Variants in CHRDL1 observed in about 807,000 individuals in gnomAD.
CHRDL1 encodes the protein chordin like 1, also known as chordin-like protein 1.
A neutral mutation model predicts 40.9 loss-of-function variants in CHRDL1; 19 were observed. That is an observed-to-expected ratio of 0.46 (90% CI 0.32 to 0.68). The LOEUF (loss-of-function observed/expected upper bound fraction) is 0.68, where lower values mean the gene tolerates loss of function less well. Ranked by LOEUF, CHRDL1 falls within the 30% of genes least tolerant of loss-of-function variation. The pLI is 0.03. For synonymous variants in CHRDL1, 136 were observed against 123.4 expected (o/e 1.10, Z -0.68); for missense variants, 329 against 352.1 (o/e 0.93, Z 0.53).
At chrX:110,743,911 G>GT (rs1340877324) in intron 4 of CHRDL1, among the ~76,000 whole-genome samples, 2 of 111,004 alleles carry the variant, frequency 1.8e-5, no homozygotes, top group Non-Finnish European at 3.8e-5. Context: ...AGACTTGGAG[G>GT]TTTTCAGGGT....
At chrX:110,751,373 C>G (rs532587062) in intron 4 of CHRDL1, among the ~76,000 whole-genome samples, 12 of 111,714 alleles carry the variant, frequency 1.1e-4, no homozygotes, top group Admixed American at 3.8e-4. Context: ...AACAAAGAAC[C>G]CTAATTCTGC....
intron 8 of CHRDL1, among the ~76,000 whole-genome samples, chrX:110,689,083 T>TAAATATATATAA (rs2070095828): frequency 1.1e-4 from 9 of 81,549 alleles, no homozygotes; most frequent in African/African-American, 4.1e-4. Flanking sequence ...TATATATATA[T>TAAATATATATAA]ATATATATAT....
At chrX:110,709,676 G>A (rs940015969) in intron 6 of CHRDL1, among the ~76,000 whole-genome samples, 1 of 112,016 alleles carries the variant, frequency 8.9e-6, no homozygotes, top group Non-Finnish European at 1.9e-5. Context: ...ATTGGTAGGA[G>A]TACAATTTAC....
Position 110,792,148 on chromosome X carries a change from A to G in CHRDL1, c.34T>C (p.Tyr12His), listed in dbSNP as rs2090112780. 2 of 1,200,890 alleles carry G rather than the reference A, an allele frequency of 1.7e-6. No homozygotes were observed. The highest frequency in any genetic ancestry group is 2.3e-6 in the Non-Finnish European group (2 of 887,112). ...AGAAAGAACAACAACGAAAAGATGTATTTCATGCCTCCCATTTTCCACTTT... is the reference window on the plus strand; with the variant it reads ...AGAAAGAACAACAACGAAAAGATGTGTTTCATGCCTCCCATTTTCCACTTT... ...RKKWKMGGMK[Y>H]IFSLLFFLLL... The change falls in exon 2 of 12, where the codon TAC becomes CAC. Residue 12 changes from tyrosine (Y) to histidine (H), a missense_variant. Coordinates refer to ENST00000372042, the MANE Select transcript of CHRDL1 (RefSeq NM_001143981.2).
intron 4 of CHRDL1, among the ~76,000 whole-genome samples, chrX:110,731,774 G>C (rs1009755105): frequency 9.0e-6 from 1 of 111,465 alleles, no homozygotes; most frequent in Admixed American, 9.5e-5. Context: ...TCCATAGAGA[G>C]AGAAAGAAGA....
intron 4 of CHRDL1, among the ~76,000 whole-genome samples, chrX:110,728,336 C>T (rs767771152): frequency 1.8e-5 from 2 of 111,131 alleles, no homozygotes; most frequent in Admixed American, 9.6e-5. Context: ...CATTCATATT[C>T]TTGAATGATA....
intron 4 of CHRDL1, among the ~76,000 whole-genome samples, chrX:110,749,431 T>A (rs1433970354): frequency 8.9e-6 from 1 of 111,944 alleles, no homozygotes; most frequent in Non-Finnish European, 1.9e-5. Context: ...AGAGATACAG[T>A]ACATATATTT....
At chrX:110,731,844 G>C (rs2071167301) in intron 4 of CHRDL1, among the ~76,000 whole-genome samples, 1 of 111,005 alleles carries the variant, frequency 9.0e-6, no homozygotes, top group African/African-American at 3.3e-5. Flanking sequence ...GTAGGTATGG[G>C]ATTCTTTTAG....
chrX:110,720,121 G>A (rs2070922080), intron 5 of CHRDL1, among the ~76,000 whole-genome samples, 193 bp from the exon 6 acceptor site: 1 of 110,723 alleles, frequency 9.0e-6, no homozygotes, highest in Admixed American at 9.6e-5. Context: ...CCATGCCAGA[G>A]ACTAAGCCAC....
intron 4 of CHRDL1, among the ~76,000 whole-genome samples, chrX:110,737,037 G>T (rs1474808966): frequency 2.7e-5 from 3 of 112,083 alleles, no homozygotes; most frequent in Non-Finnish European, 5.6e-5. Flanking sequence ...CTCCAGCTAG[G>T]ATAAAATAGC....
In CHRDL1 at chrX:110,700,762, T is replaced by C. The variant is rs111826629; in HGVS notation, c.542-41A>G. The stretch of plus-strand genomic sequence containing the variant: ...AAATAAGGAGAAAATCATACATTCA[T>C]AAAAGGGAAAGTTATCACCCTTGTG... On this transcript the variant is annotated intron_variant, in intron 6 of 11. Transcript: ENST00000372042. 1,496 of 909,782 alleles carry C rather than the reference T, an allele frequency of 1.6e-3. 8 individuals are homozygous for C. The African/African-American group carries it at 0.025, about 15-fold the overall frequency. The allele number at this position is 909,782 out of a possible 1,213,427, so 75.0% of individuals were successfully genotyped here.
intron 3 of CHRDL1, among the ~76,000 whole-genome samples, chrX:110,761,594 G>A (rs140773876): frequency 1.3e-3 from 148 of 112,098 alleles, no homozygotes; most frequent in African/African-American, 4.7e-3. Flanking sequence ...CATGTCTGGA[G>A]ACATTTTTGG....
At chrX:110,710,182 T>G (rs185965868) in intron 6 of CHRDL1, among the ~76,000 whole-genome samples, 1 of 112,075 alleles carries the variant, frequency 8.9e-6, no homozygotes, top group Non-Finnish European at 1.9e-5. Context: ...ATCTTTTACC[T>G]CTGTTTGCAC....
At chrX:110,714,363 C>T (rs764189487) in intron 6 of CHRDL1, among the ~76,000 whole-genome samples, 3 of 111,814 alleles carry the variant, frequency 2.7e-5, no homozygotes, top group African/African-American at 9.7e-5. Flanking sequence ...CAATGACAGA[C>T]TGGATAAAGA....
rs377075471 is a variant in CHRDL1, at chrX:110,729,524, T to G, written c.302-7994A>C. 4.5e-5 allele frequency among the ~76,000 whole-genome samples: 5 copies of G among 112,024 alleles called. No homozygotes were observed. The East Asian group carries it at 1.4e-3, about 31-fold the overall frequency. On this transcript the variant is annotated intron_variant, in intron 4 of 11. Transcript: ENST00000372042. ...CCTTAATACTAATCCCGTTAAGTAA[T>G]TCATACTGAAATGAAAATGGTAGAT...
intron 2 of CHRDL1, among the ~76,000 whole-genome samples, chrX:110,788,391 A>G (rs2090048612): frequency 9.0e-6 from 1 of 111,653 alleles, no homozygotes; most frequent in Non-Finnish European, 1.9e-5. Context: ...CTTTGACCAT[A>G]ATGGCATCCC....
rs1191248064 is a variant in CHRDL1, at chrX:110,675,281, A to G, written c.*950T>C. The G allele has an allele frequency of 8.9e-6, 1 of 111,779 alleles. No homozygotes were observed. Among genetic ancestry groups the G allele is most frequent in the African/African-American group, 3.2e-5 (1 of 30,799 alleles). The allele number at this position is 111,779 out of a possible 1,213,427, so 9.2% of individuals were successfully genotyped here. A position where few individuals can be genotyped will look rare whatever the true frequency, so the allele number is the denominator to read the frequency against. On this transcript the variant is annotated 3_prime_UTR_variant, in exon 12 of 12. Transcript: ENST00000372042. ...AAATTTTATTGATGTGAAAGCAAAA[A>G]GATGGCCTTTTTGAATTCTATCAAC...
At chrX:110,684,301 A>C (rs2069960480) in intron 9 of CHRDL1, among the ~76,000 whole-genome samples, 1 of 111,923 alleles carries the variant, frequency 8.9e-6, no homozygotes, top group Admixed American at 9.5e-5. Context: ...AATTTTATTT[A>C]TCTCTTTTCC....
intron 4 of CHRDL1, among the ~76,000 whole-genome samples, chrX:110,736,304 G>C (rs1487668602): frequency 8.9e-6 from 1 of 112,513 alleles, no homozygotes; most frequent in Non-Finnish European, 1.9e-5. Flanking sequence ...AAAGGAAAGG[G>C]AAGGTGTTAG....
Sources: allele counts gnomAD v4.1 joint callset (sites outside exome capture counted in the v4.1 genomes callset), GRCh38; gene constraint gnomAD v4.1.1; transcripts MANE v1.5; gene names NCBI Gene and HGNC (gene_info 2026-07-23, HGNC 2026-07-21).